The following PRKG1 variants were observed in gnomAD, a reference collection of about 807,000 sequenced individuals.
The protein encoded by PRKG1 is protein kinase cGMP-dependent 1, also known as cGMP-dependent protein kinase 1.
Under a neutral mutation model 88.1 loss-of-function variants are expected in PRKG1, and 35 were observed. That is an observed-to-expected ratio of 0.40 (90% confidence interval 0.30 to 0.53). The LOEUF (loss-of-function observed/expected upper bound fraction) is 0.53, where lower values mean the gene tolerates loss of function less well. PRKG1 is among the 20% of genes least tolerant of loss of function. The probability of loss-of-function intolerance (pLI) is 0.59; values close to 1 mark genes in which losing one functional copy is unlikely to be tolerated. For missense variants in PRKG1, 540 were observed against 839.8 expected (o/e 0.64, Z 4.41); for synonymous variants, 303 against 292.5 (o/e 1.04, Z -0.37).
chr10:51,105,236 G>C (rs1190208646), intron 1 of PRKG1, among the ~76,000 whole-genome samples: 1 of 152,150 alleles, frequency 6.6e-6, no homozygotes, highest in Non-Finnish European at 1.5e-5. Flanking sequence ...TGTAATTTAT[G>C]GATAAATTGA....
At chr10:51,491,054 C>T (rs1840697056) in intron 3 of PRKG1, among the ~76,000 whole-genome samples, 2 of 152,008 alleles carry the variant, frequency 1.3e-5, no homozygotes, top group African/African-American at 4.8e-5. Context: ...ACTAGGTTCT[C>T]ACTTTTCATG....
chr10:52,051,292 T>G (rs2133248401), intron 5 of PRKG1, among the ~76,000 whole-genome samples: 1 of 152,302 alleles, frequency 6.6e-6, no homozygotes, highest in East Asian at 1.9e-4. Context: ...CCAAAATAAT[T>G]GTATATTCAC....
chr10:51,612,496 C>A (rs976292592), intron 3 of PRKG1, among the ~76,000 whole-genome samples: 1 of 151,940 alleles, frequency 6.6e-6, no homozygotes, highest in Non-Finnish European at 1.5e-5. Context: ...AGCAATTTTA[C>A]TGAATTTATG....
At chr10:51,676,987 G>A (rs1840726593) in intron 3 of PRKG1, among the ~76,000 whole-genome samples, 1 of 152,108 alleles carries the variant, frequency 6.6e-6, no homozygotes, top group South Asian at 2.1e-4. Flanking sequence ...ACATACCAGT[G>A]TAAGTCCCAC....
chr10:51,132,864 T>C (rs1285317227), intron 1 of PRKG1, among the ~76,000 whole-genome samples: 1 of 152,024 alleles, frequency 6.6e-6, no homozygotes, highest in Non-Finnish European at 1.5e-5. Context: ...TAGCTTCATT[T>C]AATTATGCCA....
intron 2 of PRKG1, among the ~76,000 whole-genome samples, chr10:51,372,858 C>G (rs1588890573): frequency 6.6e-6 from 1 of 152,054 alleles, no homozygotes; most frequent in Non-Finnish European, 1.5e-5. Context: ...ATAAACCAAT[C>G]TTATATTCCT....
chr10:51,527,802 T>C (rs1841920022), intron 3 of PRKG1, among the ~76,000 whole-genome samples: 1 of 152,240 alleles, frequency 6.6e-6, no homozygotes, highest in South Asian at 2.1e-4. Flanking sequence ...TATTTCTGTT[T>C]GAAAGAGGTC....
chr10:51,627,172 G>A (rs956292402), intron 3 of PRKG1, among the ~76,000 whole-genome samples: 11 of 152,238 alleles, frequency 7.2e-5, no homozygotes, highest in African/African-American at 2.4e-4. Flanking sequence ...ATCAGTTGGA[G>A]GAGAGAGAGA....
rs1362065768 is a variant in PRKG1, at chr10:51,018,231, A to AT, written c.266+26591dup. Among the ~76,000 whole-genome samples, 7 of 152,226 alleles carry AT rather than the reference A, an allele frequency of 4.6e-5. No homozygotes were observed. In the East Asian group the frequency reaches 1.3e-3, roughly 29 times the overall value. ...ATTTCCCCTTTATTGCTGAAGGATA[A>AT]TTTTGCTGGATGTAGAATTCTAGGT... On this transcript the variant is annotated intron_variant, in intron 1 of 17. Coordinates refer to the PRKG1 transcript ENST00000401604.
chr10:51,327,141 A>G (rs7087195), intron 2 of PRKG1, among the ~76,000 whole-genome samples: 5,127 of 152,228 alleles, frequency 0.034, 274 homozygotes, highest in African/African-American at 0.11. Context: ...AAGGCTGGGC[A>G]TGGTGGCTCA....
intron 3 of PRKG1, among the ~76,000 whole-genome samples, chr10:51,554,313 A>G (rs1222207304): frequency 7.5e-6 from 1 of 132,886 alleles, no homozygotes; most frequent in Non-Finnish European, 1.6e-5. Context: ...TAATATGTAC[A>G]TATATAATAT....
At chr10:51,968,255 G>A (rs1843620559) in intron 5 of PRKG1, among the ~76,000 whole-genome samples, 1 of 152,040 alleles carries the variant, frequency 6.6e-6, no homozygotes. Context: ...GGAGACCAAG[G>A]CCAACTGTAA....
intron 5 of PRKG1, among the ~76,000 whole-genome samples, chr10:51,946,857 T>A (rs1403735628): frequency 6.6e-6 from 1 of 151,992 alleles, no homozygotes; most frequent in Non-Finnish European, 1.5e-5. Flanking sequence ...GTGTGAGGTG[T>A]CAGTCTACCC....
intron 3 of PRKG1, among the ~76,000 whole-genome samples, chr10:51,588,735 G>A (rs372185308): frequency 5.3e-5 from 8 of 152,238 alleles, no homozygotes; most frequent in Non-Finnish European, 7.4e-5. Flanking sequence ...CAGTGATCCC[G>A]TTGGTTATTA....
intron 1 of PRKG1, among the ~76,000 whole-genome samples, chr10:51,062,130 A>G (rs1052366168): frequency 6.6e-6 from 1 of 152,238 alleles, no homozygotes; most frequent in Non-Finnish European, 1.5e-5. Flanking sequence ...GACTAGGATC[A>G]GATCACCCAA....
At chr10:51,362,558 C>T (rs781124047) in intron 2 of PRKG1, among the ~76,000 whole-genome samples, 12 of 151,814 alleles carry the variant, frequency 7.9e-5, no homozygotes, top group Non-Finnish European at 1.6e-4. Flanking sequence ...ATAATACTAA[C>T]ACCTAGCATT....
chr10:51,870,616 A>T (rs776392665), intron 4 of PRKG1, among the ~76,000 whole-genome samples: 2 of 151,990 alleles, frequency 1.3e-5, no homozygotes, highest in Non-Finnish European at 2.9e-5. Flanking sequence ...ACTGATTTTC[A>T]TTCTGTCAGT....
At chr10:51,085,710 C>A (rs1416718556) in intron 1 of PRKG1, among the ~76,000 whole-genome samples, 1 of 151,390 alleles carries the variant, frequency 6.6e-6, no homozygotes, top group Non-Finnish European at 1.5e-5. Flanking sequence ...AGAGGAAAAT[C>A]TTTTTACCCC....
chr10:51,831,124 C>T (rs1463107657), intron 4 of PRKG1, among the ~76,000 whole-genome samples: 1 of 152,046 alleles, frequency 6.6e-6, no homozygotes, highest in East Asian at 1.9e-4. Flanking sequence ...TGATATGTGG[C>T]AATTCCCTGT....
Sources: allele counts gnomAD v4.1 joint callset (sites outside exome capture counted in the v4.1 genomes callset), GRCh38; gene constraint gnomAD v4.1.1; transcripts MANE v1.5; gene names NCBI Gene and HGNC (gene_info 2026-07-23, HGNC 2026-07-21).